Variants in SH3RF3 observed in about 807,000 individuals in gnomAD.
The protein encoded by SH3RF3 is E3 ubiquitin-protein ligase SH3RF3.
A neutral mutation model predicts 66.3 loss-of-function variants in SH3RF3; 29 were observed. The observed-to-expected ratio is 0.44, with a 90% CI of 0.33 to 0.60. The LOEUF (loss-of-function observed/expected upper bound fraction) is 0.60. Ranked by LOEUF, SH3RF3 falls within the 20% of genes least tolerant of loss-of-function variation. The pLI is 0.04. For missense variants in SH3RF3, 1,194 were observed against 1,190.9 expected, an observed-to-expected ratio of 1.00 and a Z score of -0.04; for synonymous variants, 583 against 532.0, an observed-to-expected ratio of 1.10 and a Z score of -1.32.
At chr2:109,343,647 G>C (rs1027002295) in intron 1 of SH3RF3, among the ~76,000 whole-genome samples, 7 of 152,140 alleles carry the variant, frequency 4.6e-5, no homozygotes, top group Non-Finnish European at 1.0e-4. Context: ...CCAGCAGGTG[G>C]GTTGGGGCCA....
chr2:109,405,679 C>T (rs1015555276), intron 4 of SH3RF3, among the ~76,000 whole-genome samples: 4 of 152,368 alleles, frequency 2.6e-5, no homozygotes, highest in Admixed American at 2.0e-4. Context: ...ACATGTTCAC[C>T]TCTCCGCAGC....
intron 1 of SH3RF3, among the ~76,000 whole-genome samples, chr2:109,246,069 G>T (rs1679908105): frequency 2.6e-5 from 4 of 152,338 alleles, no homozygotes; most frequent in Admixed American, 2.6e-4. Context: ...TTTACACCTA[G>T]GACTGTGATA....
chr2:109,439,896 G>C (rs1475651696), intron 7 of SH3RF3, among the ~76,000 whole-genome samples: 1 of 152,196 alleles, frequency 6.6e-6, no homozygotes, highest in East Asian at 1.9e-4. Flanking sequence ...GCCTGCTTAG[G>C]TATTAAGAGA....
intron 4 of SH3RF3, 50 bp downstream of exon 4, chr2:109,398,993 A>C (rs755054920): frequency 1.3e-6 from 2 of 1,527,768 alleles, no homozygotes; most frequent in African/African-American, 3.0e-5. Context: ...CTGGGGTTCT[A>C]TCCTCAGCTC....
At chr2:109,277,002 A>G (rs1440319231) in intron 1 of SH3RF3, among the ~76,000 whole-genome samples, 7 of 152,184 alleles carry the variant, frequency 4.6e-5, no homozygotes, top group Middle Eastern at 3.2e-3. Flanking sequence ...GCAAATGGAC[A>G]GAATCAACAG....
chr2:109,407,002 C>A lies in SH3RF3; in HGVS notation c.1299+8059C>A, dbSNP rs575765531. 7.8e-4 allele frequency among the ~76,000 whole-genome samples: 119 copies of A among 152,334 alleles called. 3 individuals carry two copies. In the South Asian group the frequency reaches 0.023, roughly 29 times the overall value. Reference sequence around the variant, plus strand: ...TGGGAAGCTTCAAAGGAAGAGACGACACCTTTCCAAAGTAAGGCTAGTGTG... The same window carrying A: ...TGGGAAGCTTCAAAGGAAGAGACGAAACCTTTCCAAAGTAAGGCTAGTGTG... On this transcript the variant is annotated intron_variant, in intron 4 of 9. Coordinates refer to ENST00000309415, the MANE Select transcript of SH3RF3 (RefSeq NM_001099289.3).
chr2:109,284,591 G>A (rs1172005197), intron 1 of SH3RF3, among the ~76,000 whole-genome samples: 1 of 152,226 alleles, frequency 6.6e-6, no homozygotes, highest in Non-Finnish European at 1.5e-5. Flanking sequence ...GTTTTGGCTG[G>A]ATGAAGGGCA....
chr2:109,129,380 C>A lies in SH3RF3; in HGVS notation c.-161C>A, dbSNP rs972020327. On this transcript the variant is annotated 5_prime_UTR_variant, in exon 1 of 10. Transcript: ENST00000309415. ...CCGCCACGCAGGCCGGTCGGTGAGC[C>A]ACTTCGCACCGCCACAGCCCTAGCA... The A allele has an allele frequency of 7.6e-6, 9 of 1,179,640 alleles. No homozygotes were observed. The African/African-American group carries it at 1.1e-4, about 15-fold the overall frequency. The allele number at this position is 1,179,640 out of a possible 1,614,324, so 73.1% of individuals were successfully genotyped here.
At chr2:109,286,468 G>A (rs1574550971) in intron 1 of SH3RF3, among the ~76,000 whole-genome samples, 2 of 152,288 alleles carry the variant, frequency 1.3e-5, no homozygotes, top group South Asian at 2.1e-4. Flanking sequence ...TCTCTCAGCT[G>A]CACCACAGTC....
At chr2:109,287,128 C>T (rs1315776690) in intron 1 of SH3RF3, among the ~76,000 whole-genome samples, 1 of 152,190 alleles carries the variant, frequency 6.6e-6, no homozygotes, top group African/African-American at 2.4e-5. Flanking sequence ...GTATTGGCCT[C>T]ATGGGGGGTT....
chr2:109,215,557 C>T (rs1679085781), intron 1 of SH3RF3, among the ~76,000 whole-genome samples: 1 of 152,082 alleles, frequency 6.6e-6, no homozygotes, highest in Non-Finnish European at 1.5e-5. Flanking sequence ...CTCGGGAGAG[C>T]CCCTGTCTGA....
chr2:109,190,132 C>T (rs373953614), intron 1 of SH3RF3, among the ~76,000 whole-genome samples: 77 of 152,258 alleles, frequency 5.1e-4, no homozygotes, highest in African/African-American at 1.8e-3. Flanking sequence ...TTAACAAACA[C>T]TGTGATAAGA....
At chr2:109,142,063 T>C (rs1003616267) in intron 1 of SH3RF3, among the ~76,000 whole-genome samples, 2 of 150,928 alleles carry the variant, frequency 1.3e-5, no homozygotes. Context: ...GTCTCAGGTA[T>C]GTGCCTAGAA....
At chr2:109,277,137 G>A (rs1054987251) in intron 1 of SH3RF3, among the ~76,000 whole-genome samples, 2 of 152,156 alleles carry the variant, frequency 1.3e-5, no homozygotes, top group African/African-American at 2.4e-5. Flanking sequence ...GGGGGCATGG[G>A]GTGGCAGGTC....
intron 1 of SH3RF3, among the ~76,000 whole-genome samples, chr2:109,249,519 T>TTCTTTCTTTC (rs10646553): frequency 0.015 from 896 of 61,686 alleles, 56 homozygotes; most frequent in East Asian, 0.026. Context: ...CATTCTTTCT[T>TTCTTTCTTTC]TTTCTTTCTT....
chr2:109,199,194 C>T (rs1034945276), intron 1 of SH3RF3, among the ~76,000 whole-genome samples: 3 of 151,608 alleles, frequency 2.0e-5, no homozygotes, highest in East Asian at 1.9e-4. Context: ...CCTGTCTGTA[C>T]GAAAAATACA....
At chr2:109,137,386 G>A (rs1008472897) in intron 1 of SH3RF3, among the ~76,000 whole-genome samples, 3 of 152,182 alleles carry the variant, frequency 2.0e-5, no homozygotes, top group African/African-American at 4.8e-5. Context: ...TTGGTGTTGC[G>A]GGCAGCACCT....
rs1225252526 is a variant in SH3RF3 at position 109,501,549 on chromosome 2, G to A, written c.2527G>A (p.Glu843Lys). ...CCCACCCCAGAGTGAGGCGGAGATC[G>A]AGCTGAAGGAAGGCGACATCGTCTT... ...SYPPQSEAEI[E>K]LKEGDIVFVH... The change falls in exon 10 of 10, where the codon GAG becomes AAG. Residue 843 changes from glutamate (E) to lysine (K), a missense_variant. Coordinates refer to ENST00000309415, the MANE Select transcript of SH3RF3 (RefSeq NM_001099289.3). The A allele has an allele frequency of 2.6e-6, 2 of 779,562 alleles. No homozygotes were observed. The highest frequency in any genetic ancestry group is 4.8e-6 in the Non-Finnish European group (2 of 417,540). The allele number at this position is 779,562 out of a possible 1,614,324, so 48.3% of individuals were successfully genotyped here. A position where few individuals can be genotyped will look rare whatever the true frequency, so the allele number is the denominator to read the frequency against.
chr2:109,229,797 T>G (rs546721111), intron 1 of SH3RF3, among the ~76,000 whole-genome samples: 1 of 151,490 alleles, frequency 6.6e-6, no homozygotes, highest in Non-Finnish European at 1.5e-5. Context: ...TTGGTATGTG[T>G]TTAGATTTTT....
Sources: allele counts gnomAD v4.1 joint callset (sites outside exome capture counted in the v4.1 genomes callset), GRCh38; gene constraint gnomAD v4.1.1; transcripts MANE v1.5; gene names NCBI Gene and HGNC (gene_info 2026-07-23, HGNC 2026-07-21).